Variants in GRIP2 observed in about 807,000 individuals in gnomAD.
GRIP2 encodes glutamate receptor-interacting protein 2.
In GRIP2, 58 loss-of-function variants were observed where a neutral mutation model predicts 108.3. That is an observed-to-expected ratio of 0.54 (90% confidence interval 0.43 to 0.67). The LOEUF (loss-of-function observed/expected upper bound fraction) is 0.67, where lower values mean the gene tolerates loss of function less well. GRIP2 is among the 30% of genes least tolerant of loss of function. The probability of loss-of-function intolerance (pLI) is 0.00; values close to 1 mark genes in which losing one functional copy is unlikely to be tolerated. For synonymous variants in GRIP2, 586 were observed against 598.2 expected (o/e 0.98, Z 0.30); for missense variants, 1,278 against 1,430.6 (o/e 0.89, Z 1.72).
rs1291480308 is a variant in GRIP2 at position 14,521,786 on chromosome 3, C to G, written c.568G>C (p.Glu190Gln). ...CTGTCGCCCACCTTCAGGGAGCCCTCCCTGTAGGGAAGGGCCAGTCACCAG... is the reference window on the plus strand; with the variant it reads ...CTGTCGCCCACCTTCAGGGAGCCCTGCCTGTAGGGAAGGGCCAGTCACCAG... ...YVRPGGPADR[E>Q]GSLKVGDRLL... Residue 190 changes from glutamate (E) to glutamine (Q), a missense_variant and splice_region_variant, in exon 7 of 24, where the codon GAG becomes CAG. Glu to Gln is a conservative substitution (Grantham distance 29). Transcript: ENST00000621039. The surrounding 1 kb of genome is among the most constrained non-coding windows in gnomAD (Gnocchi z 5.1). The G allele has an allele frequency of 6.3e-7, 1 of 1,594,000 alleles. No homozygotes were observed. The highest frequency in any genetic ancestry group is 8.5e-7 in the Non-Finnish European group (1 of 1,170,784).
chr3:14,524,457 G>A lies in GRIP2; in HGVS notation c.339C>T (p.Ile113=). 1 of 1,600,792 alleles carries A rather than the reference G, an allele frequency of 6.2e-7. No homozygotes were observed. The highest frequency in any genetic ancestry group is 8.5e-7 in the Non-Finnish European group (1 of 1,173,968). The change falls in exon 4 of 24, where the codon ATC becomes ATT. Residue 113 remains isoleucine (I), a synonymous_variant. Transcript: ENST00000621039. ...HLTRLRHDEI[I]TLLKNVGERV... ...GCTCGCCCACATTCTTGAGCAGGGT[G>A]ATGATCTCATCGTGGCGGAGCCTGG...
the GRIP2 span, among the ~76,000 whole-genome samples, chr3:14,569,488 A>G: frequency 3.9e-5 from 6 of 152,208 alleles, no homozygotes; most frequent in African/African-American, 7.2e-5. Context: ...GGCTTGGCCA[A>G]TCAGGATTGC....
chr3:14,490,335 T>C lies in GRIP2; in HGVS notation c.*3330A>G, dbSNP rs149834277. 5,594 of 152,558 alleles carry C rather than the reference T, an allele frequency of 0.037. 198 individuals are homozygous for C. Among genetic ancestry groups the C allele is most frequent in the South Asian group, 0.17 (825 of 4,834 alleles). 9.5% of individuals were successfully genotyped at this position (152,558 alleles called of 1,614,324 possible). A position where few individuals can be genotyped will look rare whatever the true frequency, so the allele number is the denominator to read the frequency against. On this transcript the variant is annotated 3_prime_UTR_variant, in exon 24 of 24. Coordinates refer to ENST00000621039, the MANE Select transcript of GRIP2 (RefSeq NM_001080423.4). ...CTTAGAGCAAGGCCTGCTGCCTCCC[T>C]TGGCCTTCCCCCTGCCTACACCACT...
intron 1 of GRIP2, among the ~76,000 whole-genome samples, chr3:14,555,109 CTA>C (rs1198410887): frequency 6.6e-6 from 1 of 152,188 alleles, no homozygotes; most frequent in African/African-American, 2.4e-5. Flanking sequence ...TGGTCCCACC[CTA>C]AGCCCCTTCC....
chr3:14,600,518 C>T, the GRIP2 span, among the ~76,000 whole-genome samples: 1 of 152,184 alleles, frequency 6.6e-6, no homozygotes, highest in East Asian at 1.9e-4. Context: ...AATTATACAA[C>T]GTGTAGGCAG....
At chr3:14,501,720 A>G (rs1236770328) in intron 21 of GRIP2, among the ~76,000 whole-genome samples, 1 of 152,140 alleles carries the variant, frequency 6.6e-6, no homozygotes, top group Non-Finnish European at 1.5e-5. Context: ...ACTTTTACTT[A>G]TTTTTTGATT....
chr3:14,494,191 T>C (rs751310961), intron 23 of GRIP2, among the ~76,000 whole-genome samples: 1 of 152,246 alleles, frequency 6.6e-6, no homozygotes, highest in Non-Finnish European at 1.5e-5. Context: ...CCACTTTCTA[T>C]TTCAAAGCAA....
the GRIP2 span, among the ~76,000 whole-genome samples, chr3:14,587,214 T>C: frequency 6.6e-6 from 1 of 152,244 alleles, no homozygotes; most frequent in East Asian, 1.9e-4. Context: ...GCAATGTCTT[T>C]GTTTATTGAT....
intron 22 of GRIP2, 27 bp downstream of exon 22, chr3:14,496,390 T>A: frequency 1.3e-6 from 2 of 1,577,212 alleles, no homozygotes; most frequent in Non-Finnish European, 1.7e-6. Flanking sequence ...CAGGTCCAGG[T>A]CTCCTGTGCT....
chr3:14,544,545 G>C (rs539015755), upstream of GRIP2, among the ~76,000 whole-genome samples: 8 of 152,332 alleles, frequency 5.3e-5, no homozygotes, highest in Admixed American at 2.0e-4. Context: ...GGCGAGCCTT[G>C]TCCTGAGCCC....
rs1033971254 is a variant in GRIP2, at chr3:14,512,614, C to T, written c.1720+163G>A. Among the ~76,000 whole-genome samples the T allele has an allele frequency of 1.3e-5, 2 of 152,190 alleles. No homozygotes were observed. Among genetic ancestry groups the T allele is most frequent in the East Asian group, 1.9e-4 (1 of 5,188 alleles). On this transcript the variant is annotated intron_variant, in intron 14 of 23. Transcript: ENST00000621039. The surrounding 1 kb of genome is among the most constrained non-coding windows in gnomAD (Gnocchi z 5.1). Reference sequence around the variant, plus strand: ...GGAAGCTGGGGTCTCGCTGAGAACACGCAGCTGGGTCCACGGAAGCCAGCC... The same window carrying T: ...GGAAGCTGGGGTCTCGCTGAGAACATGCAGCTGGGTCCACGGAAGCCAGCC...
At chr3:14,549,524 C>T (rs547881795) in intron 1 of GRIP2, among the ~76,000 whole-genome samples, 43 of 152,330 alleles carry the variant, frequency 2.8e-4, no homozygotes, top group Non-Finnish European at 4.6e-4. Context: ...GGGGCCACTT[C>T]CTGGAGGGTT....
At chr3:14,597,992 C>T in the GRIP2 span, among the ~76,000 whole-genome samples, 1 of 152,162 alleles carries the variant, frequency 6.6e-6, no homozygotes, top group East Asian at 1.9e-4. Context: ...TTATCTGGGC[C>T]CCCACTACCT....
At chr3:14,565,378 C>A in the GRIP2 span, among the ~76,000 whole-genome samples, 12 of 152,198 alleles carry the variant, frequency 7.9e-5, no homozygotes, top group Admixed American at 6.5e-5. Context: ...CTGCTGTTCC[C>A]ACTTAGCAGA....
Position 14,494,966 on chromosome 3 carries a change from C to T in GRIP2, c.2847G>A (p.Met949Ile). 1.2e-6 allele frequency: 2 copies of T among 1,613,930 alleles called. No homozygotes were observed. Among genetic ancestry groups the T allele is most frequent in the Non-Finnish European group, 1.7e-6 (2 of 1,179,826 alleles). ...AGACGCTGAAACCAAAGTCATGCCG[C>T]ATGGGGTCCTTGTGCAGGGTCACCT... is the stretch of plus-strand genomic sequence containing the variant. The part of the protein sequence containing the change: ...MHKVTLHKDP[M>I]RHDFGFSVSD... The change falls in exon 23 of 24, where the codon ATG (methionine) becomes ATA (isoleucine). Residue 949 changes from methionine (M) to isoleucine (I), a missense_variant. By Grantham distance (10) the Met-to-Ile change is conservative. Coordinates refer to ENST00000621039, the MANE Select transcript of GRIP2 (RefSeq NM_001080423.4).
Position 14,521,485 on chromosome 3 carries a change from C to T in GRIP2, c.712+157G>A. 1 of 763,578 alleles carries T rather than the reference C, an allele frequency of 1.3e-6. No individual in the cohort carries two copies. The highest frequency in any genetic ancestry group is 2.1e-6 in the Non-Finnish European group (1 of 482,482). 47.3% of individuals were successfully genotyped at this position (763,578 alleles called of 1,614,324 possible). On this transcript the variant is annotated intron_variant, in intron 7 of 23. Transcript: ENST00000621039. The surrounding 1 kb of genome is among the most constrained non-coding windows in gnomAD (Gnocchi z 5.1). ...TGGATCCCCAGCACATCAAACAATGCCTAGCACATACTATTTACTGCCCAG... is the reference window on the plus strand; with the variant it reads ...TGGATCCCCAGCACATCAAACAATGTCTAGCACATACTATTTACTGCCCAG...
the GRIP2 span, among the ~76,000 whole-genome samples, chr3:14,598,291 G>A: frequency 0.088 from 13,252 of 150,788 alleles, 640 homozygotes; most frequent in South Asian, 0.12. Context: ...TCGTCTTCCC[G>A]TTGTCTCCTA....
chr3:14,506,173 G>A (rs1022315288), intron 19 of GRIP2, among the ~76,000 whole-genome samples: 25 of 152,228 alleles, frequency 1.6e-4, no homozygotes, highest in African/African-American at 5.8e-4. Flanking sequence ...GGGAGAGCAG[G>A]TGTCCGCAGG....
chr3:14,554,461 G>T (rs1695202545), intron 1 of GRIP2, among the ~76,000 whole-genome samples: 1 of 152,144 alleles, frequency 6.6e-6, no homozygotes, highest in African/African-American at 2.4e-5. Context: ...GGGAGGGAGT[G>T]TCTCCTGCGG....
Sources: allele counts gnomAD v4.1 joint callset (sites outside exome capture counted in the v4.1 genomes callset), GRCh38; gene constraint gnomAD v4.1.1; non-coding constraint Gnocchi (gnomAD v3.1); transcripts MANE v1.5; gene names NCBI Gene and HGNC (gene_info 2026-07-23, HGNC 2026-07-21).